The following ARHGEF9 variants were observed in gnomAD, a reference collection of about 807,000 sequenced individuals.
ARHGEF9 encodes Cdc42 guanine nucleotide exchange factor 9.
A neutral mutation model predicts 41.3 loss-of-function variants in ARHGEF9; 2 were observed. The ratio of observed to expected loss-of-function variants is 0.05; its 90% confidence interval spans 0.02 to 0.15. The LOEUF (loss-of-function observed/expected upper bound fraction) is 0.15, where lower values mean the gene tolerates loss of function less well. ARHGEF9 is among the 10% of genes least tolerant of loss of function. The pLI, the probability that ARHGEF9 is intolerant of heterozygous loss-of-function variation, is 1.00. For missense variants in ARHGEF9, 225 were observed against 424.7 expected, an observed-to-expected ratio of 0.53 and a Z score of 4.13; for synonymous variants, 160 against 154.4, an observed-to-expected ratio of 1.04 and a Z score of -0.27.
chrX:63,724,714 T>C lies in ARHGEF9; in HGVS notation c.31-3A>G, dbSNP rs1482127855. ...ACGATGGAATCTCCAGTGATCAGCT[T>C]AGGAGACAAAATGAGAATGTGTTCA... On this transcript the variant is annotated splice_polypyrimidine_tract_variant and splice_region_variant and intron_variant, in intron 1 of 9. Coordinates refer to ENST00000671741, the MANE Select transcript of ARHGEF9 (RefSeq NM_001353921.2). 8.3e-7 allele frequency: 1 copy of C among 1,208,746 alleles called. No individual in the cohort carries two copies.
chrX:63,688,127 A>G (rs1211129270), intron 4 of ARHGEF9, among the ~76,000 whole-genome samples: 1 of 111,718 alleles, frequency 9.0e-6, no homozygotes, highest in Non-Finnish European at 1.9e-5. Flanking sequence ...AAAGAAGCAA[A>G]TAACATATAA....
At chrX:63,764,803 G>A (rs1333004638) in intron 1 of ARHGEF9, among the ~76,000 whole-genome samples, 1 of 110,811 alleles carries the variant, frequency 9.0e-6, no homozygotes, top group Non-Finnish European at 1.9e-5. Context: ...CACACACTGG[G>A]GCTTGTTGGT....
intron 4 of ARHGEF9, among the ~76,000 whole-genome samples, chrX:63,692,106 G>A (rs185170346): frequency 2.7e-3 from 298 of 111,734 alleles, no homozygotes; most frequent in African/African-American, 8.7e-3. Context: ...AAAACTACTA[G>A]AATAAAACAC....
chrX:63,651,277 A>C (rs1275047469), intron 8 of ARHGEF9, among the ~76,000 whole-genome samples: 1 of 111,613 alleles, frequency 9.0e-6, no homozygotes, highest in African/African-American at 3.2e-5. Flanking sequence ...ACTGCTAAGA[A>C]GCAATGATAA....
At chrX:63,707,617 C>T (rs182201872) in intron 2 of ARHGEF9, among the ~76,000 whole-genome samples, 22 of 110,819 alleles carry the variant, frequency 2.0e-4, no homozygotes, top group African/African-American at 6.9e-4. Flanking sequence ...AATCAATTCT[C>T]CATATTTTCC....
chrX:63,729,804 CAT>C (rs1396807168), intron 1 of ARHGEF9, among the ~76,000 whole-genome samples: 1 of 112,012 alleles, frequency 8.9e-6, no homozygotes, highest in Non-Finnish European at 1.9e-5. Flanking sequence ...GAGTGGGACA[CAT>C]AGTGTTTCCC....
At chrX:63,768,491 A>G (rs1181688281) in intron 1 of ARHGEF9, among the ~76,000 whole-genome samples, 1 of 112,383 alleles carries the variant, frequency 8.9e-6, no homozygotes, top group Non-Finnish European at 1.9e-5. Context: ...CTCTGGGCAG[A>G]TACCCAGTAG....
At chrX:63,683,095 T>A (rs2050757174) in intron 4 of ARHGEF9, among the ~76,000 whole-genome samples, 1 of 107,940 alleles carries the variant, frequency 9.3e-6, no homozygotes, top group African/African-American at 3.4e-5. Flanking sequence ...AAAGACTCCC[T>A]CCAAAAATTA....
chrX:63,770,858 G>A (rs1340117901), intron 1 of ARHGEF9, among the ~76,000 whole-genome samples: 2 of 112,105 alleles, frequency 1.8e-5, no homozygotes, highest in Non-Finnish European at 3.8e-5. Flanking sequence ...CTTGCCTTCT[G>A]CCATAATTGT....
At chrX:63,647,278 A>G (rs1273176893) in intron 8 of ARHGEF9, among the ~76,000 whole-genome samples, 8 of 111,815 alleles carry the variant, frequency 7.2e-5, no homozygotes, top group Non-Finnish European at 1.3e-4. Flanking sequence ...TTGAATAGGA[A>G]TGGTGACAGA....
At chrX:63,679,281 G>A (rs1556366392) in intron 4 of ARHGEF9, among the ~76,000 whole-genome samples, 1 of 110,722 alleles carries the variant, frequency 9.0e-6, no homozygotes, top group African/African-American at 3.3e-5. Context: ...GGGGAATCTG[G>A]GTATTTTTTG....
intron 1 of ARHGEF9, among the ~76,000 whole-genome samples, chrX:63,777,734 C>T (rs1468177792): frequency 8.9e-6 from 1 of 112,646 alleles, no homozygotes; most frequent in Admixed American, 9.3e-5. Flanking sequence ...TTACAGGTCC[C>T]ATGCAAGTCC....
At chrX:63,736,769 C>A (rs1269438686) in intron 1 of ARHGEF9, among the ~76,000 whole-genome samples, 2 of 111,628 alleles carry the variant, frequency 1.8e-5, no homozygotes, top group Admixed American at 9.5e-5. Context: ...CTACAGTAAC[C>A]ATTTTACTAT....
chrX:63,654,448 G>A (rs1435553204), intron 8 of ARHGEF9, among the ~76,000 whole-genome samples: 1 of 111,623 alleles, frequency 9.0e-6, no homozygotes, highest in Admixed American at 9.5e-5. Flanking sequence ...TCCACATCAT[G>A]TCCCAATGGA....
chrX:63,769,186 A>G (rs1415097091), intron 1 of ARHGEF9, among the ~76,000 whole-genome samples: 1 of 112,006 alleles, frequency 8.9e-6, no homozygotes, highest in Non-Finnish European at 1.9e-5. Flanking sequence ...TCAGATAAAC[A>G]TAAGGATCTT....
chrX:63,639,365 T>C (rs1245222582), intron 9 of ARHGEF9: 44 of 111,990 alleles, frequency 3.9e-4, no homozygotes, highest in African/African-American at 1.4e-3. Flanking sequence ...TGTTACTAAT[T>C]TGATTTTTTT....
At chrX:63,756,208 G>GA (rs1373307835) in intron 1 of ARHGEF9, among the ~76,000 whole-genome samples, 1 of 111,691 alleles carries the variant, frequency 9.0e-6, no homozygotes, top group Non-Finnish European at 1.9e-5. Context: ...ACTCACCTCA[G>GA]AAAAAAACAA....
intron 4 of ARHGEF9, among the ~76,000 whole-genome samples, chrX:63,693,092 T>G (rs113799064): frequency 0.027 from 2,980 of 111,530 alleles, 95 homozygotes; most frequent in African/African-American, 0.092. Flanking sequence ...AGAGAGGTTG[T>G]TTAATGGGTA....
intron 1 of ARHGEF9, among the ~76,000 whole-genome samples, chrX:63,760,004 A>T (rs1480522165): frequency 1.8e-5 from 2 of 111,215 alleles, no homozygotes; most frequent in Non-Finnish European, 3.8e-5. Context: ...GGTCACAGGG[A>T]TAAACTGTTT....
Sources: allele counts gnomAD v4.1 joint callset (sites outside exome capture counted in the v4.1 genomes callset), GRCh38; gene constraint gnomAD v4.1.1; transcripts MANE v1.5; gene names NCBI Gene and HGNC (gene_info 2026-07-23, HGNC 2026-07-21).